Variants in FRMPD2 observed in about 807,000 individuals in gnomAD.
FRMPD2 encodes FERM and PDZ domain-containing protein 2.
In FRMPD2, 96 loss-of-function variants were observed where a neutral mutation model predicts 140.1. The observed-to-expected ratio is 0.69, with a 90% CI of 0.58 to 0.81. The LOEUF is 0.81. Ranked by LOEUF, FRMPD2 falls within the 40% of genes least tolerant of loss-of-function variation. The probability of loss-of-function intolerance (pLI) is 0.00; values close to 1 mark genes in which losing one functional copy is unlikely to be tolerated. For missense variants in FRMPD2, 1,240 were observed against 1,447.4 expected, an observed-to-expected ratio of 0.86 and a Z score of 2.32; for synonymous variants, 449 against 547.6, an observed-to-expected ratio of 0.82 and a Z score of 2.52.
At chr10:48,215,536 G>C (rs944485881) in intron 12 of FRMPD2, among the ~76,000 whole-genome samples, 1 of 152,216 alleles carries the variant, frequency 6.6e-6, no homozygotes, top group African/African-American at 2.4e-5. Context: ...GCCAAGCCCA[G>C]AGCAGGCCTC....
intron 20 of FRMPD2, among the ~76,000 whole-genome samples, chr10:48,184,148 C>T (rs1451965981): frequency 6.6e-6 from 1 of 151,390 alleles, no homozygotes; most frequent in Non-Finnish European, 1.5e-5. Context: ...CTTGTCTCCT[C>T]CCCAGCTGAT....
chr10:48,156,842 G>C lies in FRMPD2; in HGVS notation c.*480C>G, dbSNP rs1446902231. ...TTTGACAAAACTAGATGGTCAAGAA[G>C]CGTCTAGGATTATTGGGACACGTAA... On this transcript the variant is annotated 3_prime_UTR_variant, in exon 29 of 29. Transcript: ENST00000374201. The C allele has an allele frequency of 4.4e-6, 1 of 229,872 alleles. No homozygotes were observed. Among genetic ancestry groups the C allele is most frequent in the Non-Finnish European group, 8.5e-6 (1 of 117,344 alleles). The allele number at this position is 229,872 out of a possible 1,614,324, so 14.2% of individuals were successfully genotyped here. A position where few individuals can be genotyped will look rare whatever the true frequency, so the allele number is the denominator to read the frequency against.
intron 15 of FRMPD2, among the ~76,000 whole-genome samples, chr10:48,200,197 T>TAAATAAAAAAAAA (rs1554794425): frequency 5.0e-5 from 7 of 139,628 alleles, no homozygotes; most frequent in Non-Finnish European, 9.3e-5. Flanking sequence ...AATAAATAAA[T>TAAATAAAAAAAAA]AAAACAGAGC....
intron 14 of FRMPD2, among the ~76,000 whole-genome samples, chr10:48,203,864 C>G (rs116738749): frequency 1.0e-3 from 153 of 152,306 alleles, no homozygotes; most frequent in African/African-American, 3.0e-3. Context: ...CTCAGACACA[C>G]CCTCCTTGCC....
At chr10:48,212,432 G>C (rs1044286923) in intron 12 of FRMPD2, among the ~76,000 whole-genome samples, 1 of 152,174 alleles carries the variant, frequency 6.6e-6, no homozygotes, top group Non-Finnish European at 1.5e-5. Context: ...AGACAAGCAA[G>C]GAGAGAGGTC....
chr10:48,161,545 A>G (rs1279934987), intron 28 of FRMPD2, among the ~76,000 whole-genome samples: 2 of 151,858 alleles, frequency 1.3e-5, no homozygotes, highest in Non-Finnish European at 2.9e-5. Flanking sequence ...TTTATGAGCC[A>G]TGCTGTATGC....
At chr10:48,203,101 A>C (rs1390104381) in intron 14 of FRMPD2, among the ~76,000 whole-genome samples, 1 of 152,164 alleles carries the variant, frequency 6.6e-6, no homozygotes, top group Non-Finnish European at 1.5e-5. Context: ...TTGCAAGAAT[A>C]AATCACTTTT....
intron 2 of FRMPD2, 112 bp from the exon 3 acceptor site, chr10:48,249,290 A>C (rs1840323908): frequency 2.1e-6 from 2 of 944,764 alleles, no homozygotes; most frequent in Non-Finnish European, 3.2e-6. Context: ...ACTGAATGTG[A>C]GCAAGACCCA....
intron 28 of FRMPD2, among the ~76,000 whole-genome samples, chr10:48,162,699 TG>T (rs1837973014): frequency 6.9e-6 from 1 of 144,644 alleles, no homozygotes; most frequent in Non-Finnish European, 1.5e-5. Flanking sequence ...TACTTACAGA[TG>T]GATGGACACA....
intron 8 of FRMPD2, 53 bp downstream of exon 8, chr10:48,237,938 A>T: frequency 6.2e-7 from 1 of 1,610,502 alleles, no homozygotes; most frequent in South Asian, 1.1e-5. Flanking sequence ...AGCCACCCAC[A>T]GCTCCCTGCT....
chr10:48,252,143 A>G (rs1840400146), intron 1 of FRMPD2, among the ~76,000 whole-genome samples: 1 of 152,058 alleles, frequency 6.6e-6, no homozygotes, highest in Non-Finnish European at 1.5e-5. Context: ...TGGCTGCCAC[A>G]TGTAGAGTCA....
At chr10:48,241,314 C>T (rs1840099772) in intron 5 of FRMPD2, among the ~76,000 whole-genome samples, 2 of 152,178 alleles carry the variant, frequency 1.3e-5, no homozygotes, top group African/African-American at 4.8e-5. Flanking sequence ...TGGACAAGTG[C>T]AGCCACTCAA....
chr10:48,210,302 A>G (rs1564426212), intron 13 of FRMPD2, among the ~76,000 whole-genome samples: 1 of 152,252 alleles, frequency 6.6e-6, no homozygotes, highest in Non-Finnish European at 1.5e-5. Flanking sequence ...TGCTCCTTGA[A>G]ACCGATAAAG....
intron 13 of FRMPD2, 126 bp downstream of exon 13, chr10:48,211,828 T>A (rs1403173689): frequency 1.2e-6 from 1 of 806,370 alleles, no homozygotes; most frequent in African/African-American, 1.8e-5. Context: ...CTCCTAGAGT[T>A]CCACCCTTGC....
intron 28 of FRMPD2, among the ~76,000 whole-genome samples, chr10:48,161,494 T>C (rs1588796288): frequency 1.3e-5 from 2 of 151,788 alleles, no homozygotes; most frequent in East Asian, 3.9e-4. Context: ...GCAAATCACT[T>C]TTTCTTTGGT....
At chr10:48,185,707 A>C (rs370820932) in intron 17 of FRMPD2, 62 bp from the exon 18 acceptor site, 1 of 1,248,028 alleles carries the variant, frequency 8.0e-7, no homozygotes, top group Non-Finnish European at 1.2e-6. Context: ...GAGCTAATAC[A>C]AAAGGAGTAA....
In FRMPD2 at chr10:48,192,703, C is replaced by T. The variant is rs74878516; in HGVS notation, c.2146G>A (p.Ala716Thr). The change falls in exon 16 of 29, where the codon GCA becomes ACA. Residue 716 changes from alanine (A) to threonine (T), a missense_variant. This residue lies in a region of FRMPD2 where 1,161 missense variants were observed against 1,055.9 expected (regional missense o/e 1.10). Transcript: ENST00000374201. ...FNVDGSKEAG[A>T]EGIGRSPCTG... ...ACCCACCTGCGCCCGATGCCTTCTG[C>T]TCCAGCCTCCTTGCTGCCGTCCACG... 1,043 of 1,614,122 alleles carry T rather than the reference C, an allele frequency of 6.5e-4. 14 individuals are homozygous for T. The East Asian group carries it at 0.021, about 33-fold the overall frequency.
chr10:48,227,446 C>T (rs1308529974), intron 10 of FRMPD2, among the ~76,000 whole-genome samples: 1 of 152,198 alleles, frequency 6.6e-6, no homozygotes, highest in Non-Finnish European at 1.5e-5. Context: ...CTCCTTGTCC[C>T]AGAGTGCCAG....
chr10:48,231,248 AT>A (rs1450288155), intron 10 of FRMPD2, among the ~76,000 whole-genome samples: 3 of 152,226 alleles, frequency 2.0e-5, no homozygotes, highest in Non-Finnish European at 2.9e-5. Flanking sequence ...CCCTACTAAA[AT>A]GGAGCTGGGA....
Sources: gnomAD v4.1 joint callset for allele counts (sites outside exome capture counted in the v4.1 genomes callset) on GRCh38, gnomAD v4.1.1 for gene constraint, gnomAD v4.1.1 regional missense constraint, MANE v1.5 for transcripts, NCBI Gene and HGNC (gene_info 2026-07-23, HGNC 2026-07-21) for gene names.